GNA12: variants seen among roughly 807,000 people sequenced by gnomAD.
GNA12 encodes G protein subunit alpha 12.
GNA12 carries 9 observed loss-of-function variants against 26.0 expected under a neutral mutation model. The ratio of observed to expected loss-of-function variants is 0.35; its 90% CI spans 0.21 to 0.60. The LOEUF (loss-of-function observed/expected upper bound fraction) is 0.60, where lower values mean the gene tolerates loss of function less well. GNA12 is among the 20% of genes least tolerant of loss of function. The pLI is 0.78. For synonymous variants in GNA12, 264 were observed against 219.6 expected (o/e 1.20, Z -1.79); for missense variants, 405 against 525.8 (o/e 0.77, Z 2.25).
At chr7:2,814,869 T>G (rs781450904) in intron 1 of GNA12, 2 of 1,601,784 alleles carry the variant, frequency 1.2e-6, no homozygotes, top group South Asian at 2.3e-5. Context: ...TCCACAGCAC[T>G]CACTCACACG....
Position 2,731,631 on chromosome 7 carries a change from C to T in GNA12, c.696G>A (p.Arg232=), listed in dbSNP as rs138638605. The change falls in exon 4 of 4, where the codon CGG becomes CGA. Residue 232 remains arginine (R), a synonymous_variant. Coordinates refer to ENST00000275364, the MANE Select transcript of GNA12 (RefSeq NM_007353.3). The surrounding 1 kb of genome is among the most constrained non-coding windows in gnomAD (Gnocchi z 6.0). ...ACTGGAACCACTTCTGGCGCTGGGACCGCTGGCCGCCCACATCCACCATCT... is the reference window on the plus strand; with the variant it reads ...ACTGGAACCACTTCTGGCGCTGGGATCGCTGGCCGCCCACATCCACCATCT... The part of the protein sequence containing the change: ...PFKMVDVGGQ[R]SQRQKWFQCF... 8.1e-5 allele frequency: 131 copies of T among 1,613,842 alleles called. No homozygotes were observed. In the African/African-American group the frequency reaches 1.2e-3, roughly 15 times the overall value.
chr7:2,789,433 C>A (rs1332121816), intron 2 of GNA12, among the ~76,000 whole-genome samples: 1 of 146,068 alleles, frequency 6.8e-6, no homozygotes, highest in East Asian at 1.9e-4. Context: ...CCGCGCCCGG[C>A]CCCTTCAGGC....
chr7:2,833,546 C>A (rs1032166199), intron 1 of GNA12, among the ~76,000 whole-genome samples: 2 of 152,174 alleles, frequency 1.3e-5, no homozygotes, highest in African/African-American at 4.8e-5. Flanking sequence ...GGGGACAAGA[C>A]CAATCACTCA....
Position 2,731,848 on chromosome 7 carries a change from T to G in GNA12, c.577-98A>C. ...GCAAAAAGATAAGAAGGAAAGAGAC[T>G]GACTTTTGCAACAGGTTGAACCAGA... On this transcript the variant is annotated intron_variant, in intron 3 of 3. Coordinates refer to ENST00000275364, the MANE Select transcript of GNA12 (RefSeq NM_007353.3). The surrounding 1 kb of genome is among the most constrained non-coding windows in gnomAD (Gnocchi z 6.0). The G allele has an allele frequency of 1.6e-5, 10 of 624,816 alleles. No homozygotes were observed. Among genetic ancestry groups the G allele is most frequent in the Middle Eastern group, 3.0e-4 (1 of 3,382 alleles). The allele number at this position is 624,816 out of a possible 1,614,324, so 38.7% of individuals were successfully genotyped here. A position where few individuals can be genotyped will look rare whatever the true frequency, so the allele number is the denominator to read the frequency against.
intron 2 of GNA12, among the ~76,000 whole-genome samples, chr7:2,766,542 T>G (rs562596165): frequency 6.6e-6 from 1 of 151,952 alleles, no homozygotes; most frequent in Non-Finnish European, 1.5e-5. Flanking sequence ...CCCACCACCA[T>G]GCCCAGCTAA....
intron 1 of GNA12, 149 bp downstream of exon 1, chr7:2,843,704 C>CGGGGG: frequency 2.7e-6 from 1 of 373,558 alleles, no homozygotes. Flanking sequence ...GGGAATGGGT[C>CGGGGG]GGGGGGGAGT....
At chr7:2,834,338 TACCTC>T (rs1341170325) in intron 1 of GNA12, among the ~76,000 whole-genome samples, 2 of 152,256 alleles carry the variant, frequency 1.3e-5, no homozygotes, top group African/African-American at 2.4e-5. Flanking sequence ...CTTTTTTAGA[TACCTC>T]AGCCAGAATT....
At chr7:2,778,895 G>C (rs757215635) in intron 2 of GNA12, among the ~76,000 whole-genome samples, 1 of 152,176 alleles carries the variant, frequency 6.6e-6, no homozygotes, top group Non-Finnish European at 1.5e-5. Flanking sequence ...AGTGGATGGG[G>C]AATGGGGTTG....
intron 2 of GNA12, among the ~76,000 whole-genome samples, chr7:2,763,998 G>C (rs1282149463): frequency 6.6e-6 from 1 of 152,202 alleles, no homozygotes; most frequent in African/African-American, 2.4e-5. Context: ...CGCACCTAAA[G>C]TGAGGCTTGC....
At chr7:2,796,629 G>A (rs1792685037) in intron 1 of GNA12, among the ~76,000 whole-genome samples, 1 of 152,096 alleles carries the variant, frequency 6.6e-6, no homozygotes, top group Non-Finnish European at 1.5e-5. Context: ...CACCAAAACG[G>A]GAGCCAGGGG....
chr7:2,828,320 T>C (rs1793529040), intron 1 of GNA12, among the ~76,000 whole-genome samples: 1 of 152,204 alleles, frequency 6.6e-6, no homozygotes, highest in Non-Finnish European at 1.5e-5. Context: ...ACCAATGCAG[T>C]TTCTAAACTA....
chr7:2,783,771 G>A lies in GNA12; in HGVS notation c.525+11157C>T, dbSNP rs1020811395. ...GCAATCTCGGCTCACTGCAACCTGC[G>A]CCTCCTGGATTCAAGCGATTCTCTT... On this transcript the variant is annotated intron_variant, in intron 2 of 3. Transcript: ENST00000275364. 1.4e-4 allele frequency among the ~76,000 whole-genome samples: 21 copies of A among 151,822 alleles called. No homozygotes were observed. In the South Asian group the frequency reaches 2.7e-3, roughly 20 times the overall value.
chr7:2,839,932 A>G (rs1440293081), intron 1 of GNA12, among the ~76,000 whole-genome samples: 1 of 152,096 alleles, frequency 6.6e-6, no homozygotes, highest in East Asian at 1.9e-4. Flanking sequence ...CCCGGGGCGG[A>G]GGTTGCAGTG....
chr7:2,762,527 T>C (rs1030031105), intron 2 of GNA12: 2 of 1,148,748 alleles, frequency 1.7e-6, no homozygotes, highest in African/African-American at 3.2e-5. Flanking sequence ...ACAAAAGCAG[T>C]TCCACCACGC....
At chr7:2,734,550 G>A (rs758948090) in intron 2 of GNA12, among the ~76,000 whole-genome samples, 11 of 152,226 alleles carry the variant, frequency 7.2e-5, no homozygotes, top group Non-Finnish European at 1.3e-4. Context: ...TGATGGCGCT[G>A]AAGCTCGTGG....
chr7:2,789,115 C>T (rs979182761), intron 2 of GNA12, among the ~76,000 whole-genome samples: 33 of 146,798 alleles, frequency 2.2e-4, no homozygotes, highest in Non-Finnish European at 4.1e-4. Flanking sequence ...CCACCGTGCC[C>T]GGACCCCTTC....
chr7:2,774,009 G>A (rs1792013596), intron 2 of GNA12, among the ~76,000 whole-genome samples: 1 of 152,136 alleles, frequency 6.6e-6, no homozygotes, highest in Non-Finnish European at 1.5e-5. Flanking sequence ...CAGTAACACA[G>A]GAGTAAATAC....
chr7:2,785,311 C>T (rs1325232350), intron 2 of GNA12, among the ~76,000 whole-genome samples: 1 of 152,214 alleles, frequency 6.6e-6, no homozygotes, highest in Non-Finnish European at 1.5e-5. Flanking sequence ...CTGGGTCATT[C>T]ATTAGCTTTG....
intron 3 of GNA12, among the ~76,000 whole-genome samples, chr7:2,732,125 T>C (rs1789927557): frequency 6.6e-6 from 1 of 152,254 alleles, no homozygotes; most frequent in Non-Finnish European, 1.5e-5. Context: ...AACCTTACTG[T>C]GAATTAATTT....
Sources: allele counts gnomAD v4.1 joint callset (sites outside exome capture counted in the v4.1 genomes callset), GRCh38; gene constraint gnomAD v4.1.1; non-coding constraint Gnocchi (gnomAD v3.1); transcripts MANE v1.5; gene names NCBI Gene and HGNC (gene_info 2026-07-23, HGNC 2026-07-21).